The following PWWP2A variants were observed in gnomAD, a reference collection of about 807,000 sequenced individuals.
PWWP2A encodes the protein PWWP domain containing 2A, also known as PWWP domain-containing protein 2A.
PWWP2A carries 18 observed loss-of-function variants against 48.5 expected under a neutral mutation model. The observed-to-expected ratio is 0.37, with a 90% CI of 0.26 to 0.55. The LOEUF (loss-of-function observed/expected upper bound fraction) is 0.55. PWWP2A is among the 20% of genes least tolerant of loss of function. The probability of loss-of-function intolerance (pLI) is 0.81; values close to 1 mark genes in which losing one functional copy is unlikely to be tolerated. For synonymous variants in PWWP2A, 396 were observed against 387.7 expected, an observed-to-expected ratio of 1.02 and a Z score of -0.25; for missense variants, 867 against 976.4, an observed-to-expected ratio of 0.89 and a Z score of 1.49.
chr5:160,109,773 AAATATATAT>A lies in PWWP2A; in HGVS notation c.584+9023_584+9031del, dbSNP rs1438831998. Among the ~76,000 whole-genome samples the A allele has an allele frequency of 1.4e-3, 43 of 30,124 alleles. 1 individual carries two copies. The highest frequency in any genetic ancestry group is 4.4e-3 in the East Asian group (3 of 686). The allele number at this position is 30,124 out of a possible 152,430, so 19.8% of individuals were successfully genotyped here. A position where few individuals can be genotyped will look rare whatever the true frequency, so the allele number is the denominator to read the frequency against. ...TGCAACTGGGAAAAAAAAAAAAAAA[AAATATATAT>A]ATATATATATATATATATATATATA... On this transcript the variant is annotated intron_variant, in intron 1 of 1. Transcript: ENST00000307063.
At chr5:160,113,261 G>A (rs1757776373) in intron 1 of PWWP2A, 16 of 979,358 alleles carry the variant, frequency 1.6e-5, no homozygotes, top group Non-Finnish European at 1.8e-5. Context: ...TGTATGTCCA[G>A]CTCCTTTTTT....
the PWWP2A span, among the ~76,000 whole-genome samples, chr5:160,048,768 T>G: frequency 6.6e-6 from 1 of 152,086 alleles, no homozygotes; most frequent in Non-Finnish European, 1.5e-5. Context: ...CTGGCCAACA[T>G]AATGAAACCC....
chr5:160,055,514 A>G, the PWWP2A span, among the ~76,000 whole-genome samples: 3 of 152,372 alleles, frequency 2.0e-5, no homozygotes, highest in South Asian at 2.1e-4. Flanking sequence ...TTGGAGCTGC[A>G]TCTCAGATAT....
intron 1 of PWWP2A, among the ~76,000 whole-genome samples, chr5:160,115,842 A>C (rs1036628726): frequency 1.6e-4 from 24 of 152,202 alleles, no homozygotes; most frequent in African/African-American, 4.8e-4. Context: ...CTGCCTCCTA[A>C]AAACAAAAAC....
At chr5:160,117,328 G>A (rs1455800662) in intron 1 of PWWP2A, among the ~76,000 whole-genome samples, 4 of 151,706 alleles carry the variant, frequency 2.6e-5, no homozygotes, top group Non-Finnish European at 4.4e-5. Context: ...ATAAACAGAA[G>A]TGCAAATGCC....
chr5:160,111,521 G>A (rs58999416), intron 1 of PWWP2A, among the ~76,000 whole-genome samples: 6,024 of 151,900 alleles, frequency 0.04, 144 homozygotes, highest in East Asian at 0.1. Context: ...CTAGTCCCAG[G>A]TACATGGGAG....
chr5:160,094,144 G>T, intron 1 of PWWP2A, 79 bp from the exon 2 acceptor site: 1 of 1,400,538 alleles, frequency 7.1e-7, no homozygotes, highest in East Asian at 2.4e-5. Flanking sequence ...AACAACATCT[G>T]ATGCTTATTT....
At chr5:160,089,634 ACT>A (rs1476057657), downstream of PWWP2A, 1 of 1,287,650 alleles carries the variant, frequency 7.8e-7, no homozygotes, top group African/African-American at 1.5e-5. Flanking sequence ...AGGGAAAAAT[ACT>A]CTGATGCTTT....
At chr5:160,044,346 TAAAG>T in the PWWP2A span, among the ~76,000 whole-genome samples, 1 of 152,038 alleles carries the variant, frequency 6.6e-6, no homozygotes, top group Non-Finnish European at 1.5e-5. Context: ...ATTAGAGAAA[TAAAG>T]AAACAAAAGA....
chr5:160,117,916 C>T (rs1426287976), intron 1 of PWWP2A: 2 of 975,750 alleles, frequency 2.0e-6, no homozygotes, highest in Admixed American at 1.2e-4. Context: ...GGAGTCTCTG[C>T]ACTTCATATC....
chr5:160,097,314 G>T (rs1039829017), intron 1 of PWWP2A, among the ~76,000 whole-genome samples: 7 of 124,140 alleles, frequency 5.6e-5, no homozygotes, highest in African/African-American at 2.2e-4. Context: ...TCCAGCCTGA[G>T]CAAGTGAGTA....
rs112193138 is a variant in PWWP2A at position 160,101,769 on chromosome 5, C to T, written c.585-7704G>A. On this transcript the variant is annotated intron_variant, in intron 1 of 1. Transcript: ENST00000307063. ...CAGAAGCATCACTTGAGCCCGAGTT[C>T]GAGGCCATCCTGGGCAACATAGAAA... is the stretch of plus-strand genomic sequence containing the variant. Among the ~76,000 whole-genome samples, 967 of 148,984 alleles carry T rather than the reference C, an allele frequency of 6.5e-3. 4 individuals carry two copies. The highest frequency in any genetic ancestry group is 0.01 in the Non-Finnish European group (700 of 67,598).
At chr5:160,105,916 C>T (rs1373615407) in intron 1 of PWWP2A, among the ~76,000 whole-genome samples, 1 of 152,116 alleles carries the variant, frequency 6.6e-6, no homozygotes, top group Non-Finnish European at 1.5e-5. Flanking sequence ...ACAATTTGTA[C>T]TTCCTCTTAT....
the PWWP2A span, among the ~76,000 whole-genome samples, chr5:160,045,520 A>ACACTCTCTCTCTCT: frequency 1.8e-5 from 1 of 54,904 alleles, no homozygotes; most frequent in Admixed American, 2.3e-4. Context: ...ACACATACAC[A>ACACTCTCTCTCTCT]CTCTCTCTCT....
At chr5:160,108,410 T>C (rs1010054794) in intron 1 of PWWP2A, 21 of 409,018 alleles carry the variant, frequency 5.1e-5, no homozygotes, top group African/African-American at 3.7e-4. Context: ...ATTGACATCT[T>C]GGCATATAAG....
At chr5:160,109,806 TATAA>T (rs1757351373) in intron 1 of PWWP2A, among the ~76,000 whole-genome samples, 1 of 117,876 alleles carries the variant, frequency 8.5e-6, no homozygotes, top group Admixed American at 9.6e-5. Context: ...TATATATATA[TATAA>T]AATAATATAA....
At chr5:160,107,574 A>G (rs542586003) in intron 1 of PWWP2A, among the ~76,000 whole-genome samples, 1 of 152,356 alleles carries the variant, frequency 6.6e-6, no homozygotes, top group African/African-American at 2.4e-5. Flanking sequence ...TACAGTGAAG[A>G]TAAGCACATA....
In PWWP2A at chr5:160,119,008, G is replaced by A. The variant is rs750196124; in HGVS notation, c.381C>T (p.Pro127=). The A allele has an allele frequency of 5.6e-6, 9 of 1,598,518 alleles. No individual in the cohort carries two copies. Among genetic ancestry groups the A allele is most frequent in the South Asian group, 2.2e-5 (2 of 90,026 alleles). Residue 127 remains proline, a synonymous_variant, in exon 1 of 2, where the codon CCC becomes CCT. Transcript: ENST00000307063. ...GCAGCGGCGGCTCCTCGCGCTCCTC[G>A]GGAGCCGGGGGCTGCTCCGGCGGCG... ...PASPPEQPPA[P]EEREEPPLPQ... is the part of the protein sequence containing the mutation.
chr5:160,092,192 C>T lies in PWWP2A; in HGVS notation c.*190G>A. ...CTGCTAAAATCTCACTTCCTTAACA[C>T]AAAATTTGATTATATGTTCAGTTTA... is the stretch of plus-strand genomic sequence containing the variant. On this transcript the variant is annotated 3_prime_UTR_variant, in exon 2 of 2. Transcript: ENST00000307063. 1 of 1,329,458 alleles carries T rather than the reference C, an allele frequency of 7.5e-7. No homozygotes were observed. Among genetic ancestry groups the T allele is most frequent in the Non-Finnish European group, 9.6e-7 (1 of 1,043,784 alleles). 82.4% of individuals were successfully genotyped at this position (1,329,458 alleles called of 1,614,324 possible).
Sources: gnomAD v4.1 joint callset for allele counts (sites outside exome capture counted in the v4.1 genomes callset) on GRCh38, gnomAD v4.1.1 for gene constraint, MANE v1.5 for transcripts, NCBI Gene and HGNC (gene_info 2026-07-23, HGNC 2026-07-21) for gene names.